The following IL1RAPL1 variants were observed in gnomAD, a reference collection of about 807,000 sequenced individuals.
IL1RAPL1 encodes interleukin-1 receptor accessory protein-like 1.
A neutral mutation model predicts 48.4 loss-of-function variants in IL1RAPL1; 3 were observed. The observed-to-expected ratio is 0.06, with a 90% CI of 0.03 to 0.16. The LOEUF is 0.16. IL1RAPL1 is among the 10% of genes least tolerant of loss of function. The pLI is 1.00. For synonymous variants in IL1RAPL1, 185 were observed against 187.7 expected, an observed-to-expected ratio of 0.99 and a Z score of 0.12; for missense variants, 349 against 530.6, an observed-to-expected ratio of 0.66 and a Z score of 3.36.
At chrX:28,729,260 C>G (rs916422612) in intron 1 of IL1RAPL1, among the ~76,000 whole-genome samples, 1 of 111,231 alleles carries the variant, frequency 9.0e-6, no homozygotes, top group African/African-American at 3.3e-5. Flanking sequence ...TATGTAATAG[C>G]CAAGGGAGTG....
At chrX:29,929,952 C>T (rs921016879) in intron 8 of IL1RAPL1, among the ~76,000 whole-genome samples, 4 of 111,430 alleles carry the variant, frequency 3.6e-5, no homozygotes, top group African/African-American at 1.3e-4. Context: ...TTAAAGATAC[C>T]GCAATAAAAT....
chrX:28,589,246 G>A (rs1322930772), intron 1 of IL1RAPL1, among the ~76,000 whole-genome samples: 1 of 111,278 alleles, frequency 9.0e-6, no homozygotes, highest in Non-Finnish European at 1.9e-5. Flanking sequence ...TGCATAATCG[G>A]TGATTATGTA....
At chrX:28,788,716 C>T (rs1936499862) in intron 1 of IL1RAPL1, among the ~76,000 whole-genome samples, 1 of 109,431 alleles carries the variant, frequency 9.1e-6, no homozygotes, top group African/African-American at 3.3e-5. Context: ...GATCTACCCG[C>T]TTCAGCCTCC....
At chrX:28,852,116 A>G (rs1207323321) in intron 2 of IL1RAPL1, among the ~76,000 whole-genome samples, 1 of 111,827 alleles carries the variant, frequency 8.9e-6, no homozygotes. Flanking sequence ...AGCAGAGAAC[A>G]GGGACGCACA....
At chrX:28,980,494 T>G (rs1253405578) in intron 2 of IL1RAPL1, among the ~76,000 whole-genome samples, 1 of 112,280 alleles carries the variant, frequency 8.9e-6, no homozygotes, top group African/African-American at 3.2e-5. Context: ...GTCAAACATG[T>G]ATAACTTGGA....
chrX:28,676,146 T>A (rs768977533), intron 1 of IL1RAPL1, among the ~76,000 whole-genome samples: 42 of 112,020 alleles, frequency 3.7e-4, no homozygotes, highest in Non-Finnish European at 6.8e-4. Context: ...AATTTTTTTT[T>A]ACCACAACAC....
intron 1 of IL1RAPL1, among the ~76,000 whole-genome samples, chrX:28,752,637 A>G (rs982575137): frequency 8.9e-6 from 1 of 112,435 alleles, no homozygotes; most frequent in Non-Finnish European, 1.9e-5. Context: ...CCCCCAGGGG[A>G]AGCCCTAATA....
chrX:29,836,822 G>T (rs777385225), intron 6 of IL1RAPL1, among the ~76,000 whole-genome samples: 1 of 111,114 alleles, frequency 9.0e-6, no homozygotes, highest in African/African-American at 3.3e-5. Flanking sequence ...CCCGTCACCA[G>T]TGAGAAAAAT....
In IL1RAPL1 at chrX:29,948,085, T is replaced by C. The variant is rs770320442; in HGVS notation, c.1201+6291T>C. Among the ~76,000 whole-genome samples, 3 of 111,455 alleles carry C rather than the reference T, an allele frequency of 2.7e-5. No individual in the cohort carries two copies. In the South Asian group the frequency reaches 1.1e-3, roughly 42 times the overall value. On this transcript the variant is annotated intron_variant, in intron 9 of 10. Coordinates refer to ENST00000378993, the MANE Select transcript of IL1RAPL1 (RefSeq NM_014271.4). ...CCTTTGGACCAGGCATTTTGCTATA[T>C]GATGGGGTCTCATTTAATTTTAGAC...
chrX:29,282,992 G>A lies in IL1RAPL1; in HGVS notation c.137G>A (p.Gly46Glu), dbSNP rs1293643963. Reference sequence around the variant, plus strand: ...ATCAAGAAATATCAAGTTTTGGTGGGAGAGCCTGTTCGAATCAAATGTGCA... The same window carrying A: ...ATCAAGAAATATCAAGTTTTGGTGGAAGAGCCTGTTCGAATCAAATGTGCA... ...IDIKKYQVLV[G>E]EPVRIKCALF... The change falls in exon 3 of 11, where the codon GGA becomes GAA. Residue 46 changes from glycine (G) to glutamate (E), a missense_variant. Physicochemically the swap from Gly to Glu is moderately conservative, Grantham distance 98. This residue lies in a region of IL1RAPL1 where 238 missense variants were observed against 337.8 expected (regional missense o/e 0.70). Coordinates refer to ENST00000378993, the MANE Select transcript of IL1RAPL1 (RefSeq NM_014271.4). The A allele has an allele frequency of 3.3e-6, 4 of 1,208,768 alleles. No homozygotes were observed. Among genetic ancestry groups the A allele is most frequent in the Non-Finnish European group, 4.5e-6 (4 of 894,167 alleles).
intron 1 of IL1RAPL1, among the ~76,000 whole-genome samples, chrX:28,725,064 G>A (rs1248530007): frequency 8.8e-5 from 9 of 101,852 alleles, no homozygotes; most frequent in Non-Finnish European, 1.6e-4. Context: ...CCATTGTCCT[G>A]CCTCAGCCTC....
intron 6 of IL1RAPL1, among the ~76,000 whole-genome samples, chrX:29,913,513 G>T (rs989878099): frequency 9.3e-6 from 1 of 107,698 alleles, no homozygotes; most frequent in Non-Finnish European, 1.9e-5. Context: ...CTTAATGTCT[G>T]GTTTAAGAGG....
intron 6 of IL1RAPL1, among the ~76,000 whole-genome samples, chrX:29,762,467 T>C (rs187400775): frequency 2.3e-4 from 26 of 112,168 alleles, no homozygotes; most frequent in African/African-American, 7.8e-4. Context: ...AGAAAACTAC[T>C]GTTCAAGAAG....
intron 1 of IL1RAPL1, among the ~76,000 whole-genome samples, chrX:28,590,737 T>A (rs181393312): frequency 8.9e-6 from 1 of 111,837 alleles, no homozygotes; most frequent in Non-Finnish European, 1.9e-5. Flanking sequence ...CTTCCTCAGT[T>A]GTTTTCTGAC....
chrX:29,500,873 GT>G (rs1842340567), intron 5 of IL1RAPL1, among the ~76,000 whole-genome samples: 1 of 109,996 alleles, frequency 9.1e-6, no homozygotes, highest in African/African-American at 3.3e-5. Context: ...TCTATTTTTA[GT>G]TTTTTTTGAG....
At chrX:29,379,916 C>A (rs1387687245) in intron 3 of IL1RAPL1, among the ~76,000 whole-genome samples, 1 of 110,408 alleles carries the variant, frequency 9.1e-6, no homozygotes, top group East Asian at 2.9e-4. Flanking sequence ...TATCCCTCTC[C>A]CTTCCCTACC....
At chrX:29,362,568 G>A (rs920688799) in intron 3 of IL1RAPL1, among the ~76,000 whole-genome samples, 1 of 111,430 alleles carries the variant, frequency 9.0e-6, no homozygotes, top group Non-Finnish European at 1.9e-5. Context: ...TTTGAAGTAG[G>A]CTATGTGGAC....
At chrX:29,798,086 A>T (rs1202943689) in intron 6 of IL1RAPL1, among the ~76,000 whole-genome samples, 8 of 111,609 alleles carry the variant, frequency 7.2e-5, no homozygotes, top group Non-Finnish European at 1.1e-4. Flanking sequence ...TCTTGCTAAA[A>T]TATGAGAACT....
chrX:29,646,523 A>G (rs1173408999), intron 5 of IL1RAPL1, among the ~76,000 whole-genome samples: 1 of 111,696 alleles, frequency 9.0e-6, no homozygotes, highest in Non-Finnish European at 1.9e-5. Flanking sequence ...ATATAAAGCT[A>G]TAGAAAGCTT....
Sources: gnomAD v4.1 joint callset for allele counts (sites outside exome capture counted in the v4.1 genomes callset) on GRCh38, gnomAD v4.1.1 for gene constraint, gnomAD v4.1.1 regional missense constraint, MANE v1.5 for transcripts, NCBI Gene and HGNC (gene_info 2026-07-23, HGNC 2026-07-21) for gene names.